CD96: variants seen among roughly 807,000 people sequenced by gnomAD.
CD96 encodes T-cell surface protein tactile.
CD96 carries 70 observed loss-of-function variants against 71.3 expected under a neutral mutation model. The ratio of observed to expected loss-of-function variants is 0.98; its 90% CI spans 0.81 to 1.20. The LOEUF is 1.20. CD96 is among the 50% of genes most tolerant of loss of function. CD96 has a pLI of 0.00. For missense variants in CD96, 742 were observed against 677.5 expected (o/e 1.10, Z -1.06); for synonymous variants, 248 against 233.0 (o/e 1.06, Z -0.59).
chr3:111,588,119 G>A (rs375345277), intron 5 of CD96, among the ~76,000 whole-genome samples: 1 of 152,122 alleles, frequency 6.6e-6, no homozygotes, highest in East Asian at 1.9e-4. Context: ...ACATTGTCAG[G>A]CTACAAATTT....
chr3:111,604,077 A>G (rs1937559249), intron 7 of CD96, among the ~76,000 whole-genome samples: 1 of 152,198 alleles, frequency 6.6e-6, no homozygotes, highest in South Asian at 2.1e-4. Flanking sequence ...TTGTCTATGG[A>G]CAACATTTTG....
chr3:111,618,030 C>T (rs1938331299), intron 8 of CD96, among the ~76,000 whole-genome samples: 1 of 152,250 alleles, frequency 6.6e-6, no homozygotes, highest in Admixed American at 6.5e-5. Context: ...GCAGCAGCAT[C>T]ACACAGAGTC....
intron 3 of CD96, chr3:111,577,517 G>T: frequency 1.9e-6 from 3 of 1,607,418 alleles, no homozygotes; most frequent in Non-Finnish European, 2.6e-6. Context: ...CAGCAGCACG[G>T]ATTCTTGGGT....
chr3:111,563,855 C>T (rs1014226313), intron 2 of CD96, among the ~76,000 whole-genome samples: 1 of 152,120 alleles, frequency 6.6e-6, no homozygotes, highest in African/African-American at 2.4e-5. Context: ...TTGGAGAATC[C>T]TCAGGAAAGG....
chr3:111,657,166 T>A (rs1357213152), downstream of CD96, among the ~76,000 whole-genome samples: 1 of 152,100 alleles, frequency 6.6e-6, no homozygotes, highest in East Asian at 1.9e-4. Context: ...ACACCTGTAA[T>A]CCCAGCATTT....
At chr3:111,663,045 C>T (rs1431599082) in intron 14 of CD96, among the ~76,000 whole-genome samples, 6 of 152,156 alleles carry the variant, frequency 3.9e-5, no homozygotes, top group African/African-American at 2.4e-5. Context: ...ACAGGCTATA[C>T]AGGAAGCATG....
intron 2 of CD96, among the ~76,000 whole-genome samples, chr3:111,556,596 G>C (rs1431653161): frequency 1.2e-4 from 16 of 134,152 alleles, no homozygotes; most frequent in Non-Finnish European, 1.6e-5. Context: ...TCTTAATCCA[G>C]TCTATCATTG....
At chr3:111,595,106 T>C (rs941033257) in intron 5 of CD96, 1 of 166,870 alleles carries the variant, frequency 6.0e-6, no homozygotes, top group African/African-American at 2.4e-5. Context: ...CTGAGGCAAC[T>C]TACTCCAGAT....
At chr3:111,660,566 T>C (rs1263034688) in intron 14 of CD96, among the ~76,000 whole-genome samples, 1 of 151,910 alleles carries the variant, frequency 6.6e-6, no homozygotes, top group Non-Finnish European at 1.5e-5. Flanking sequence ...GCCAAAGCAA[T>C]CCAAAACAAA....
chr3:111,560,439 A>G (rs1318134364), intron 2 of CD96, among the ~76,000 whole-genome samples: 1 of 146,568 alleles, frequency 6.8e-6, no homozygotes, highest in African/African-American at 2.5e-5. Flanking sequence ...GCTTGTCTGT[A>G]AAGTATTTAA....
At chr3:111,589,796 T>G (rs1390403311) in intron 5 of CD96, among the ~76,000 whole-genome samples, 1 of 152,190 alleles carries the variant, frequency 6.6e-6, no homozygotes, top group Admixed American at 6.5e-5. Flanking sequence ...CAGAATAGTA[T>G]TATTATGATG....
intron 10 of CD96, among the ~76,000 whole-genome samples, chr3:111,632,030 C>G (rs1000717287): frequency 1.3e-5 from 2 of 152,098 alleles, no homozygotes; most frequent in Non-Finnish European, 1.5e-5. Flanking sequence ...AGAAGAAAAG[C>G]TAGGCTATAC....
At chr3:111,602,861 A>G (rs1937527839) in intron 7 of CD96, among the ~76,000 whole-genome samples, 1 of 152,212 alleles carries the variant, frequency 6.6e-6, no homozygotes, top group African/African-American at 2.4e-5. Context: ...ACATCAGGAA[A>G]GAGTTTTAGT....
intron 10 of CD96, among the ~76,000 whole-genome samples, chr3:111,629,600 A>T (rs548504443): frequency 3.9e-5 from 6 of 152,330 alleles, no homozygotes; most frequent in Non-Finnish European, 5.9e-5. Context: ...AATATTAGAC[A>T]GATCATCAAG....
intron 8 of CD96, among the ~76,000 whole-genome samples, chr3:111,620,595 A>C (rs1435017223): frequency 6.6e-6 from 1 of 152,222 alleles, no homozygotes; most frequent in Non-Finnish European, 1.5e-5. Flanking sequence ...CCCTCAAGTG[A>C]AAGTCTAAAG....
At chr3:111,602,114 A>G (rs1328577968) in intron 7 of CD96, among the ~76,000 whole-genome samples, 1 of 152,230 alleles carries the variant, frequency 6.6e-6, no homozygotes, top group Non-Finnish European at 1.5e-5. Flanking sequence ...AAAGCTGGAC[A>G]TAATAGGGCT....
At chr3:111,624,239 A>G in intron 9 of CD96, 94 bp from the exon 10 acceptor site, 1 of 860,548 alleles carries the variant, frequency 1.2e-6, no homozygotes, top group Non-Finnish European at 2.0e-6. Context: ...AGATTTCCCC[A>G]AAGTCACATA....
chr3:111,551,855 G>A (rs1934723886), intron 2 of CD96, among the ~76,000 whole-genome samples: 1 of 151,992 alleles, frequency 6.6e-6, no homozygotes, highest in Non-Finnish European at 1.5e-5. Context: ...CTGCCTTTAG[G>A]TCTTTGACGA....
intron 8 of CD96, among the ~76,000 whole-genome samples, chr3:111,618,686 G>C (rs1057058208): frequency 4.7e-5 from 7 of 147,738 alleles, no homozygotes; most frequent in Non-Finnish European, 1.0e-4. Context: ...CCAGGTTCAC[G>C]CCATTCTCCT....
Sources: gnomAD v4.1 joint callset for allele counts (sites outside exome capture counted in the v4.1 genomes callset) on GRCh38, gnomAD v4.1.1 for gene constraint, MANE v1.5 for transcripts, NCBI Gene and HGNC (gene_info 2026-07-23, HGNC 2026-07-21) for gene names.